The following DCDC1 variants were observed in gnomAD, a reference collection of about 807,000 sequenced individuals.
The protein encoded by DCDC1 is doublecortin domain-containing protein 1.
Under a neutral mutation model 178.3 loss-of-function variants are expected in DCDC1, and 200 were observed. The ratio of observed to expected loss-of-function variants is 1.12; its 90% confidence interval spans 1.00 to 1.26. The LOEUF is 1.26. DCDC1 is among the 50% of genes most tolerant of loss of function. The pLI is 0.00. For synonymous variants in DCDC1, 690 were observed against 604.8 expected, an observed-to-expected ratio of 1.14 and a Z score of -2.07; for missense variants, 1,983 against 1,749.2, an observed-to-expected ratio of 1.13 and a Z score of -2.38.
At chr11:31,252,101 A>T (rs1944079381) in intron 8 of DCDC1, among the ~76,000 whole-genome samples, 1 of 152,206 alleles carries the variant, frequency 6.6e-6, no homozygotes, top group Non-Finnish European at 1.5e-5. Context: ...GAGCTTGCAG[A>T]CTCCACTAAA....
chr11:31,317,649 T>A (rs1402897899), intron 3 of DCDC1, among the ~76,000 whole-genome samples: 1 of 42,628 alleles, frequency 2.3e-5, no homozygotes. Flanking sequence ...ACCCTTTATT[T>A]CCTTCTCCTG....
chr11:31,362,113 A>G (rs891103926), intron 1 of DCDC1, among the ~76,000 whole-genome samples: 3 of 152,128 alleles, frequency 2.0e-5, no homozygotes, highest in African/African-American at 7.2e-5. Context: ...AAATTTCTGA[A>G]TATTATGTAT....
At chr11:30,924,801 G>A (rs940007716) in intron 23 of DCDC1, among the ~76,000 whole-genome samples, 4 of 152,142 alleles carry the variant, frequency 2.6e-5, no homozygotes, top group Admixed American at 6.6e-5. Flanking sequence ...GGCCGGGCGC[G>A]GTGGCCCACA....
intron 9 of DCDC1, among the ~76,000 whole-genome samples, chr11:31,233,306 T>G (rs1296358326): frequency 6.6e-6 from 1 of 152,214 alleles, no homozygotes; most frequent in Non-Finnish European, 1.5e-5. Context: ...ATTTTTATAC[T>G]GATAAGCATA....
intron 38 of DCDC1, among the ~76,000 whole-genome samples, chr11:30,870,544 A>C (rs1941448764): frequency 6.6e-6 from 1 of 152,254 alleles, no homozygotes; most frequent in Admixed American, 6.5e-5. Flanking sequence ...TGACTACATT[A>C]AACGAGAGGC....
chr11:30,967,280 C>T (rs900392035), intron 20 of DCDC1, among the ~76,000 whole-genome samples: 1 of 148,122 alleles, frequency 6.8e-6, no homozygotes, highest in African/African-American at 2.5e-5. Flanking sequence ...TTATTTCCTT[C>T]AGCAGTGGTT....
intron 1 of DCDC1, among the ~76,000 whole-genome samples, chr11:31,357,159 C>T (rs1298752693): frequency 2.6e-5 from 4 of 152,074 alleles, no homozygotes; most frequent in Non-Finnish European, 5.9e-5. Flanking sequence ...GACCAATATC[C>T]CTGATGAACA....
At chr11:31,232,800 C>T (rs1011548098) in intron 9 of DCDC1, among the ~76,000 whole-genome samples, 2 of 152,008 alleles carry the variant, frequency 1.3e-5, no homozygotes, top group African/African-American at 2.4e-5. Flanking sequence ...GTTCCAGGTA[C>T]TGTTTTAAGA....
chr11:31,190,642 T>A (rs1440664826), intron 9 of DCDC1, among the ~76,000 whole-genome samples: 1 of 152,078 alleles, frequency 6.6e-6, no homozygotes, highest in East Asian at 1.9e-4. Flanking sequence ...TGATTTACAA[T>A]CCCACTAACA....
chr11:31,297,754 A>G (rs1040176216), intron 6 of DCDC1, among the ~76,000 whole-genome samples: 36 of 152,306 alleles, frequency 2.4e-4, no homozygotes, highest in African/African-American at 8.4e-4. Flanking sequence ...GCTATCTGGT[A>G]CCTTTATAAG....
chr11:31,190,701 G>A (rs1229860322), intron 9 of DCDC1, among the ~76,000 whole-genome samples: 1 of 152,080 alleles, frequency 6.6e-6, no homozygotes, highest in Non-Finnish European at 1.5e-5. Context: ...CTCCAGGTGT[G>A]AGCAAACTTT....
At chr11:31,099,959 C>T (rs1347555670) in intron 15 of DCDC1, among the ~76,000 whole-genome samples, 1 of 151,994 alleles carries the variant, frequency 6.6e-6, no homozygotes, top group South Asian at 2.1e-4. Flanking sequence ...CCTCCTGATC[C>T]GCCTGCCTTG....
chr11:31,041,653 A>G (rs1017307394), intron 20 of DCDC1, among the ~76,000 whole-genome samples: 1 of 152,158 alleles, frequency 6.6e-6, no homozygotes, highest in Non-Finnish European at 1.5e-5. Context: ...ATTTTCATAT[A>G]TTATCTCACT....
Position 30,945,758 on chromosome 11 carries a change from G to A in DCDC1, c.2715+6687C>T, listed in dbSNP as rs868239134. Reference sequence around the variant, plus strand: ...TATCTATCTATCTATCTGTCTGTCTGTCTATCTATCTATAGATAGATATGC... The same window carrying A: ...TATCTATCTATCTATCTGTCTGTCTATCTATCTATCTATAGATAGATATGC... On this transcript the variant is annotated intron_variant, in intron 21 of 38. Transcript: ENST00000684477. Among the ~76,000 whole-genome samples the A allele has an allele frequency of 3.8e-4, 57 of 148,216 alleles. No individual in the cohort carries two copies. The East Asian group carries it at 7.9e-3, about 20-fold the overall frequency.
intron 15 of DCDC1, among the ~76,000 whole-genome samples, chr11:31,098,599 C>G (rs1171469690): frequency 6.6e-6 from 1 of 152,190 alleles, no homozygotes; most frequent in Non-Finnish European, 1.5e-5. Flanking sequence ...GCTTTTGCCT[C>G]CCTTCTCTCA....
chr11:30,965,617 A>C lies in DCDC1; in HGVS notation c.2592-13049T>G, dbSNP rs1047431808. ...TTTGTTTTTTTAATTTTTTTTTATT[A>C]TACTCTAAGTTTTAGTGTACATGTG... On this transcript the variant is annotated intron_variant, in intron 20 of 38. Coordinates refer to ENST00000684477, the MANE Select transcript of DCDC1 (RefSeq NM_001387274.1). 1.2e-4 allele frequency among the ~76,000 whole-genome samples: 13 copies of C among 112,894 alleles called. No individual in the cohort carries two copies. The East Asian group carries it at 2.5e-3, about 22-fold the overall frequency. 74.1% of individuals were successfully genotyped at this position (112,894 alleles called of 152,430 possible).
intron 32 of DCDC1, among the ~76,000 whole-genome samples, chr11:30,901,663 T>G (rs897356875): frequency 6.6e-6 from 1 of 152,138 alleles, no homozygotes; most frequent in Non-Finnish European, 1.5e-5. Flanking sequence ...AATGCCCTTT[T>G]GATAGTCCTA....
intron 9 of DCDC1, among the ~76,000 whole-genome samples, chr11:31,178,733 C>T (rs1379672094): frequency 2.0e-5 from 3 of 152,148 alleles, no homozygotes; most frequent in African/African-American, 7.2e-5. Context: ...TGCTCTGTCA[C>T]CCAGGCTGGA....
At chr11:30,912,672 C>T (rs1343308820) in intron 27 of DCDC1, among the ~76,000 whole-genome samples, 1 of 152,190 alleles carries the variant, frequency 6.6e-6, no homozygotes, top group Non-Finnish European at 1.5e-5. Flanking sequence ...ACCAGCAAAA[C>T]TGCTCTGCAA....
Sources: gnomAD v4.1 joint callset for allele counts (sites outside exome capture counted in the v4.1 genomes callset) on GRCh38, gnomAD v4.1.1 for gene constraint, MANE v1.5 for transcripts, NCBI Gene and HGNC (gene_info 2026-07-23, HGNC 2026-07-21) for gene names.